LRP1B: variants seen among roughly 807,000 people sequenced by gnomAD.
The protein encoded by LRP1B is LDL receptor related protein 1B.
A neutral mutation model predicts 556.6 loss-of-function variants in LRP1B; 217 were observed. The observed-to-expected ratio is 0.39, with a 90% CI of 0.35 to 0.44. The LOEUF (loss-of-function observed/expected upper bound fraction) is 0.44, where lower values mean the gene tolerates loss of function less well. Ranked by LOEUF, LRP1B falls within the 20% of genes least tolerant of loss-of-function variation. LRP1B has a pLI of 1.00. For synonymous variants in LRP1B, 2,047 were observed against 1,865.8 expected (o/e 1.10, Z -2.50); for missense variants, 5,053 against 5,620.8 (o/e 0.90, Z 3.23).
rs184699040 is a variant in LRP1B, at chr2:142,088,564, G to A, written c.82+42084C>T. Among the ~76,000 whole-genome samples the A allele has an allele frequency of 7.9e-5, 12 of 152,082 alleles. No homozygotes were observed. In the South Asian group the frequency reaches 1.0e-3, roughly 13 times the overall value. On this transcript the variant is annotated intron_variant, in intron 1 of 90. Transcript: ENST00000389484. Reference sequence around the variant, plus strand: ...TATTCTTCCATATCAGGATACCTTCGCCTACAAAAAAGCTAGTCATGGGTG... The same window carrying A: ...TATTCTTCCATATCAGGATACCTTCACCTACAAAAAAGCTAGTCATGGGTG...
In LRP1B at chr2:141,070,168, G is replaced by A. The variant is rs558978100; in HGVS notation, c.1014-7895C>T. Among the ~76,000 whole-genome samples, 26 of 151,970 alleles carry A rather than the reference G, an allele frequency of 1.7e-4. 1 individual carries two copies. The South Asian group carries it at 5.2e-3, about 30-fold the overall frequency. ...TTATGGCTGCATAGTATTCCATGGTGTATATGTGCCACATTTTCTTAATCC... is the reference window on the plus strand; with the variant it reads ...TTATGGCTGCATAGTATTCCATGGTATATATGTGCCACATTTTCTTAATCC... On this transcript the variant is annotated intron_variant, in intron 7 of 90. Coordinates refer to ENST00000389484, the MANE Select transcript of LRP1B (RefSeq NM_018557.3).
At chr2:140,833,608 G>A (rs572158071) in intron 31 of LRP1B, among the ~76,000 whole-genome samples, 3 of 152,176 alleles carry the variant, frequency 2.0e-5, no homozygotes, top group African/African-American at 7.2e-5. Flanking sequence ...TGAGCCTATG[G>A]TGAAATTGTT....
intron 83 of LRP1B, among the ~76,000 whole-genome samples, chr2:140,299,850 A>G (rs1043652445): frequency 6.6e-6 from 1 of 152,196 alleles, no homozygotes; most frequent in Non-Finnish European, 1.5e-5. Flanking sequence ...CAGTGCGTAA[A>G]GTACAAAAAC....
intron 10 of LRP1B, among the ~76,000 whole-genome samples, chr2:141,051,692 A>C (rs1442699160): frequency 6.6e-6 from 1 of 152,118 alleles, no homozygotes. Context: ...GTTTATTTTA[A>C]ATTTTTAAAA....
At chr2:141,070,872 C>T (rs1355630814) in intron 7 of LRP1B, among the ~76,000 whole-genome samples, 1 of 151,898 alleles carries the variant, frequency 6.6e-6, no homozygotes, top group Admixed American at 6.6e-5. Context: ...AATAGCTTAC[C>T]AACCAAAAAG....
At chr2:140,580,275 T>C (rs984408445) in intron 43 of LRP1B, among the ~76,000 whole-genome samples, 4 of 152,178 alleles carry the variant, frequency 2.6e-5, no homozygotes, top group Non-Finnish European at 5.9e-5. Context: ...ATATTAAATA[T>C]TGGGGAGGGT....
At chr2:141,468,587 A>T (rs4395206) in intron 3 of LRP1B, among the ~76,000 whole-genome samples, 1 of 152,084 alleles carries the variant, frequency 6.6e-6, no homozygotes, top group African/African-American at 2.4e-5. Flanking sequence ...GAATAAAGAG[A>T]ATTTATACCT....
intron 3 of LRP1B, among the ~76,000 whole-genome samples, chr2:141,438,587 T>A (rs548191385): frequency 6.6e-6 from 1 of 152,262 alleles, no homozygotes; most frequent in East Asian, 1.9e-4. Flanking sequence ...TGGCATCTCT[T>A]ACGTTGGGAA....
intron 3 of LRP1B, among the ~76,000 whole-genome samples, chr2:141,326,804 G>A (rs1477520694): frequency 6.6e-6 from 1 of 152,198 alleles, no homozygotes. Flanking sequence ...TGCAAACCCA[G>A]AGAGTTGGAG....
At chr2:141,886,775 G>A (rs1699127557) in intron 1 of LRP1B, among the ~76,000 whole-genome samples, 1 of 151,810 alleles carries the variant, frequency 6.6e-6, no homozygotes, top group African/African-American at 2.4e-5. Flanking sequence ...CTGTACTTTT[G>A]CTTTCATTCC....
chr2:140,929,151 A>G (rs1273005844), intron 20 of LRP1B, among the ~76,000 whole-genome samples: 1 of 152,178 alleles, frequency 6.6e-6, no homozygotes, highest in Admixed American at 6.6e-5. Context: ...AGTGGAGTCC[A>G]GATGCAAAAT....
intron 77 of LRP1B, among the ~76,000 whole-genome samples, chr2:140,345,777 TAC>T (rs1222390237): frequency 1.5e-5 from 2 of 132,384 alleles, no homozygotes; most frequent in Non-Finnish European, 3.2e-5. Context: ...CACATATATA[TAC>T]ATATATATAC....
chr2:141,907,050 G>A (rs1699777753), intron 1 of LRP1B, among the ~76,000 whole-genome samples: 2 of 151,990 alleles, frequency 1.3e-5, no homozygotes, highest in Non-Finnish European at 2.9e-5. Context: ...CAGGGGTGGT[G>A]CTGTAGAGGA....
chr2:141,826,811 T>C (rs529355874), intron 1 of LRP1B, among the ~76,000 whole-genome samples: 10 of 152,354 alleles, frequency 6.6e-5, no homozygotes, highest in African/African-American at 1.7e-4. Flanking sequence ...TTTATGCACT[T>C]AGACAAATTG....
At chr2:140,692,980 T>G (rs953280453) in intron 41 of LRP1B, among the ~76,000 whole-genome samples, 1 of 152,180 alleles carries the variant, frequency 6.6e-6, no homozygotes. Flanking sequence ...TTTGTTTCAT[T>G]TTTTGCATAT....
At chr2:141,197,458 C>T (rs1574181673) in intron 6 of LRP1B, among the ~76,000 whole-genome samples, 1 of 152,086 alleles carries the variant, frequency 6.6e-6, no homozygotes, top group East Asian at 1.9e-4. Context: ...TTTGTCTCTT[C>T]TCTTTGGTAT....
At chr2:140,530,622 G>T (rs953982873) in intron 47 of LRP1B, among the ~76,000 whole-genome samples, 5 of 152,044 alleles carry the variant, frequency 3.3e-5, no homozygotes, top group African/African-American at 1.2e-4. Context: ...CTACCCATTC[G>T]TTTATCCTAA....
chr2:141,496,943 T>C (rs1683531384), intron 2 of LRP1B, among the ~76,000 whole-genome samples: 1 of 152,032 alleles, frequency 6.6e-6, no homozygotes, highest in South Asian at 2.1e-4. Context: ...AATGATCTGA[T>C]CATATGATGT....
At chr2:141,187,598 T>C (rs1318445922) in intron 7 of LRP1B, among the ~76,000 whole-genome samples, 1 of 152,068 alleles carries the variant, frequency 6.6e-6, no homozygotes, top group Non-Finnish European at 1.5e-5. Flanking sequence ...CCTTGCCCAG[T>C]AGTGACTGCT....
Sources: allele counts gnomAD v4.1 joint callset (sites outside exome capture counted in the v4.1 genomes callset), GRCh38; gene constraint gnomAD v4.1.1; transcripts MANE v1.5; gene names NCBI Gene and HGNC (gene_info 2026-07-23, HGNC 2026-07-21).